Variants in THSD4 observed in about 807,000 individuals in gnomAD.
THSD4 encodes the protein thrombospondin type-1 domain-containing protein 4.
A neutral mutation model predicts 119.0 loss-of-function variants in THSD4; 69 were observed. That is an observed-to-expected ratio of 0.58 (90% CI 0.48 to 0.71). The LOEUF (loss-of-function observed/expected upper bound fraction) is 0.71. Among genes scored for constraint, THSD4 ranks in the 30% least tolerant of loss-of-function variants. The probability of loss-of-function intolerance (pLI) is 0.00; values close to 1 mark genes in which losing one functional copy is unlikely to be tolerated. For synonymous variants in THSD4, 524 were observed against 540.4 expected (o/e 0.97, Z 0.42); for missense variants, 1,393 against 1,391.1 (o/e 1.00, Z -0.02).
chr15:71,426,397 G>GTGTGTGTGTGTGTGTGTGTGTT (rs138567389), intron 7 of THSD4, among the ~76,000 whole-genome samples: 22 of 124,710 alleles, frequency 1.8e-4, no homozygotes, highest in African/African-American at 5.1e-4. Flanking sequence ...GTGTGTGTGT[G>GTGTGTGTGTGTGTGTGTGTGTT]TGTGTGTGTT....
chr15:71,546,060 A>G (rs375193445), intron 7 of THSD4, among the ~76,000 whole-genome samples: 18 of 152,352 alleles, frequency 1.2e-4, no homozygotes, highest in African/African-American at 2.9e-4. Flanking sequence ...GCCAGGAACT[A>G]TGCCACATTT....
At chr15:71,475,218 T>A (rs984546623) in intron 7 of THSD4, among the ~76,000 whole-genome samples, 25 of 152,360 alleles carry the variant, frequency 1.6e-4, no homozygotes, top group Non-Finnish European at 1.0e-4. Context: ...CTTGAAAGCC[T>A]GTCTCATGAA....
intron 7 of THSD4, among the ~76,000 whole-genome samples, chr15:71,539,403 C>G (rs1386816372): frequency 5.3e-5 from 8 of 152,220 alleles, no homozygotes; most frequent in Non-Finnish European, 1.2e-4. Context: ...ATATGGACCT[C>G]TGTGGAGAAA....
chr15:71,129,111 T>C (rs952187792), intron 1 of THSD4, among the ~76,000 whole-genome samples: 7 of 152,108 alleles, frequency 4.6e-5, no homozygotes, highest in Non-Finnish European at 8.8e-5. Flanking sequence ...TTGAGAGTCA[T>C]TTCCTGGAAG....
At chr15:71,430,780 A>AGG (rs59384367) in intron 7 of THSD4, among the ~76,000 whole-genome samples, 1 of 134,412 alleles carries the variant, frequency 7.4e-6, no homozygotes, top group Non-Finnish European at 1.6e-5. Flanking sequence ...AAAAAAAAAA[A>AGG]AAAGAGAGTT....
chr15:71,351,853 A>T (rs2045747726), intron 6 of THSD4, among the ~76,000 whole-genome samples: 1 of 152,228 alleles, frequency 6.6e-6, no homozygotes, highest in African/African-American at 2.4e-5. Flanking sequence ...CAGGGGCCAT[A>T]TAGATTCAGA....
chr15:71,098,273 G>A (rs1308002154), intron 1 of THSD4, among the ~76,000 whole-genome samples: 1 of 141,408 alleles, frequency 7.1e-6, no homozygotes, highest in Non-Finnish European at 1.5e-5. Context: ...ATGGCTCACT[G>A]CAACCTCATC....
Position 71,566,148 on chromosome 15 carries a change from CT to C in THSD4, c.1153-94375del, listed in dbSNP as rs1567040065. On this transcript the variant is annotated intron_variant, in intron 7 of 17. Coordinates refer to ENST00000261862, the MANE Select transcript of THSD4 (RefSeq NM_024817.3). The stretch of plus-strand genomic sequence containing the variant: ...TTTTCTTTCTTTCTTTTTTCTTTTT[CT>C]TTTTTTCTTTTTTTTTTTTTGCTGA... Among the ~76,000 whole-genome samples the C allele has an allele frequency of 2.9e-4, 13 of 45,328 alleles. No homozygotes were observed. The Admixed American group carries it at 5.7e-3, about 20-fold the overall frequency. The allele number at this position is 45,328 out of a possible 152,430, so 29.7% of individuals were successfully genotyped here. A position where few individuals can be genotyped will look rare whatever the true frequency, so the allele number is the denominator to read the frequency against.
intron 8 of THSD4, among the ~76,000 whole-genome samples, chr15:71,682,572 C>CTTTTTTTTTTTTTT (rs33972227): frequency 7.1e-6 from 1 of 141,808 alleles, no homozygotes; most frequent in Non-Finnish European, 1.5e-5. Context: ...TTGTATCTGG[C>CTTTTTTTTTTTTTT]TTTTTTTTTT....
intron 6 of THSD4, among the ~76,000 whole-genome samples, chr15:71,340,626 G>C (rs1339397747): frequency 2.4e-5 from 3 of 124,876 alleles, no homozygotes; most frequent in Non-Finnish European, 4.8e-5. Context: ...TTTTTTTTGC[G>C]ACACAGTTTT....
intron 5 of THSD4, among the ~76,000 whole-genome samples, chr15:71,246,916 G>A (rs1306380374): frequency 7.2e-6 from 1 of 137,964 alleles, no homozygotes; most frequent in Non-Finnish European, 1.5e-5. Context: ...TTGAGATAGA[G>A]TCTTGCTCTG....
chr15:71,259,003 C>T (rs143800706), intron 6 of THSD4, among the ~76,000 whole-genome samples: 4,222 of 152,054 alleles, frequency 0.028, 93 homozygotes, highest in Middle Eastern at 0.048. Flanking sequence ...ATCCCAGCTA[C>T]TTGGGAGGCT....
At position 71,782,941 on chromosome 15, in the gene THSD4, C is replaced by T. The variant is rs1467420760; in HGVS notation, c.*5567C>T. The T allele has an allele frequency of 1.3e-5, 2 of 152,312 alleles. No homozygotes were observed. Among genetic ancestry groups the T allele is most frequent in the African/African-American group, 2.4e-5 (1 of 41,530 alleles). 9.4% of individuals were successfully genotyped at this position (152,312 alleles called of 1,614,324 possible). ...GTTGCTCGGTGGGCTTGGTTAGAGC[C>T]GTGGGTGAGGCAGGTGGCTGGCGGG... On this transcript the variant is annotated 3_prime_UTR_variant, in exon 18 of 18. Coordinates refer to ENST00000261862, the MANE Select transcript of THSD4 (RefSeq NM_024817.3).
chr15:71,743,377 G>T (rs1190787348), intron 11 of THSD4, among the ~76,000 whole-genome samples: 1 of 152,192 alleles, frequency 6.6e-6, no homozygotes, highest in Non-Finnish European at 1.5e-5. Flanking sequence ...AACCCGCATG[G>T]TCTGAAGGAA....
chr15:71,649,513 G>T (rs2051041025), intron 7 of THSD4, among the ~76,000 whole-genome samples: 1 of 152,130 alleles, frequency 6.6e-6, no homozygotes, highest in African/African-American at 2.4e-5. Context: ...CTGACCTCAG[G>T]TGATCTGCCT....
At chr15:71,171,468 T>G (rs1224346118) in intron 3 of THSD4, among the ~76,000 whole-genome samples, 2 of 152,162 alleles carry the variant, frequency 1.3e-5, no homozygotes, top group African/African-American at 4.8e-5. Flanking sequence ...TAAAGACATT[T>G]TCAGACATAC....
intron 6 of THSD4, among the ~76,000 whole-genome samples, chr15:71,261,506 A>G (rs1332179861): frequency 6.6e-6 from 1 of 152,160 alleles, no homozygotes; most frequent in Admixed American, 6.5e-5. Context: ...GGAAACTAAT[A>G]TACCTAGTGA....
At chr15:71,669,432 T>C (rs1224261886) in intron 8 of THSD4, among the ~76,000 whole-genome samples, 1 of 152,202 alleles carries the variant, frequency 6.6e-6, no homozygotes, top group Non-Finnish European at 1.5e-5. Flanking sequence ...TTTTTTATTA[T>C]ACTTTAAGTC....
At position 71,749,100 on chromosome 15, in the gene THSD4, T is replaced by C. The variant is rs185488399; in HGVS notation, c.2415+506T>C. Among the ~76,000 whole-genome samples the C allele has an allele frequency of 1.8e-4, 28 of 152,338 alleles. No individual in the cohort carries two copies. The East Asian group carries it at 5.4e-3, about 29-fold the overall frequency. On this transcript the variant is annotated intron_variant, in intron 14 of 17. Transcript: ENST00000261862. The stretch of plus-strand genomic sequence containing the variant: ...GGAAAACAGTCATATATTAAATTCA[T>C]CCATCAAAGGCAAAAGGAGGATTTA...
Sources: allele counts gnomAD v4.1 joint callset (sites outside exome capture counted in the v4.1 genomes callset), GRCh38; gene constraint gnomAD v4.1.1; transcripts MANE v1.5; gene names NCBI Gene and HGNC (gene_info 2026-07-23, HGNC 2026-07-21).